PTPRD: variants seen among roughly 807,000 people sequenced by gnomAD.
PTPRD encodes the protein protein tyrosine phosphatase receptor type D, also known as receptor-type tyrosine-protein phosphatase delta.
PTPRD carries 34 observed loss-of-function variants against 214.5 expected under a neutral mutation model. The ratio of observed to expected loss-of-function variants is 0.16; its 90% CI spans 0.12 to 0.21. The LOEUF is 0.21. PTPRD is among the 10% of genes least tolerant of loss of function. The probability of loss-of-function intolerance (pLI) is 1.00; values close to 1 mark genes in which losing one functional copy is unlikely to be tolerated. For missense variants in PTPRD, 2,545 were observed against 2,398.7 expected, an observed-to-expected ratio of 1.06 and a Z score of -1.27; for synonymous variants, 1,128 against 845.7, an observed-to-expected ratio of 1.33 and a Z score of -5.79.
At chr9:9,812,995 T>A (rs2047622607) in intron 5 of PTPRD, among the ~76,000 whole-genome samples, 1 of 148,226 alleles carries the variant, frequency 6.7e-6, no homozygotes, top group South Asian at 2.1e-4. Context: ...TAGAAGTCTA[T>A]AAGAGGAGAA....
chr9:10,096,257 C>T (rs59090285), intron 3 of PTPRD, among the ~76,000 whole-genome samples: 1,614 of 151,780 alleles, frequency 0.011, 31 homozygotes, highest in African/African-American at 0.035. Flanking sequence ...ATCTGCAATT[C>T]TCTTTCATAG....
At chr9:9,930,531 G>C (rs958218323) in intron 5 of PTPRD, among the ~76,000 whole-genome samples, 3 of 152,070 alleles carry the variant, frequency 2.0e-5, no homozygotes, top group Admixed American at 6.6e-5. Flanking sequence ...ACTGGATAAA[G>C]AACTGCAGAA....
At chr9:9,105,772 G>C (rs960992616) in intron 10 of PTPRD, among the ~76,000 whole-genome samples, 6 of 152,194 alleles carry the variant, frequency 3.9e-5, no homozygotes, top group African/African-American at 1.4e-4. Context: ...TTCAATGAAA[G>C]TGAAATTGAT....
chr9:8,885,904 CTTAA>C (rs1313931854), intron 11 of PTPRD, among the ~76,000 whole-genome samples: 4 of 152,172 alleles, frequency 2.6e-5, no homozygotes, highest in South Asian at 2.1e-4. Flanking sequence ...TTTCCACGCG[CTTAA>C]TTGTGTTAAG....
intron 3 of PTPRD, among the ~76,000 whole-genome samples, chr9:10,257,426 C>T (rs1256287245): frequency 6.6e-6 from 1 of 152,082 alleles, no homozygotes; most frequent in African/African-American, 2.4e-5. Flanking sequence ...AATTGCTAGG[C>T]AAAGAGTCAA....
chr9:8,727,999 G>A (rs553655877), intron 12 of PTPRD, among the ~76,000 whole-genome samples: 45 of 152,298 alleles, frequency 3.0e-4, no homozygotes, highest in Admixed American at 1.2e-3. Flanking sequence ...TGTAATCCCA[G>A]CAATTTGGGA....
chr9:8,657,219 G>A (rs2096929242), intron 12 of PTPRD, among the ~76,000 whole-genome samples: 1 of 145,618 alleles, frequency 6.9e-6, no homozygotes, highest in South Asian at 2.2e-4. Flanking sequence ...CCAGGCTGGA[G>A]TGCAATGGTG....
intron 18 of PTPRD, chr9:8,524,661 C>A: frequency 3.7e-6 from 2 of 545,228 alleles, no homozygotes; most frequent in South Asian, 2.0e-5. Context: ...TCAATCAATA[C>A]AGTAAAAATA....
At chr9:8,707,785 A>G (rs982951457) in intron 12 of PTPRD, among the ~76,000 whole-genome samples, 4 of 152,230 alleles carry the variant, frequency 2.6e-5, no homozygotes, top group Non-Finnish European at 5.9e-5. Context: ...ATTTTTCAAT[A>G]ACCTTTTCCT....
intron 11 of PTPRD, among the ~76,000 whole-genome samples, chr9:8,875,379 T>C (rs2098377030): frequency 6.6e-6 from 1 of 151,096 alleles, no homozygotes; most frequent in African/African-American, 2.4e-5. Flanking sequence ...TTTTTTTTAA[T>C]TAGCCAGACA....
At chr9:9,924,287 C>G (rs1392443666) in intron 5 of PTPRD, among the ~76,000 whole-genome samples, 1 of 151,908 alleles carries the variant, frequency 6.6e-6, no homozygotes, top group African/African-American at 2.4e-5. Context: ...AAATTAAAAA[C>G]AATTAAGGTA....
chr9:9,220,944 C>T (rs958491531), intron 9 of PTPRD, among the ~76,000 whole-genome samples: 1 of 152,040 alleles, frequency 6.6e-6, no homozygotes, highest in Non-Finnish European at 1.5e-5. Flanking sequence ...TAGGGGGAGG[C>T]TAACTGATTG....
intron 3 of PTPRD, among the ~76,000 whole-genome samples, chr9:10,273,391 T>C (rs1473523529): frequency 6.6e-6 from 1 of 152,134 alleles, no homozygotes; most frequent in Non-Finnish European, 1.5e-5. Flanking sequence ...ATTGTTTTAA[T>C]ACCATAATAG....
intron 37 of PTPRD, 54 bp downstream of exon 37, chr9:8,389,178 T>C (rs1403394924): frequency 3.4e-6 from 5 of 1,480,098 alleles, no homozygotes; most frequent in East Asian, 2.3e-5. Flanking sequence ...ATATGCAACA[T>C]AGGGACTCTG....
At position 10,537,419 on chromosome 9, in the gene PTPRD, T is replaced by A. The variant is rs544792481; in HGVS notation, c.-600+74979A>T. On this transcript the variant is annotated intron_variant, in intron 2 of 45. Transcript: ENST00000381196. The stretch of plus-strand genomic sequence containing the variant: ...TGCTGTTAATTTGTGTTGTACTTAT[T>A]TTTATAATGTGAGATCGAGTATGTA... Among the ~76,000 whole-genome samples the A allele has an allele frequency of 1.5e-4, 23 of 152,272 alleles. 1 individual carries two copies. In the South Asian group the frequency reaches 4.8e-3, roughly 32 times the overall value.
chr9:9,780,006 G>A (rs992155096), intron 5 of PTPRD, among the ~76,000 whole-genome samples: 1 of 152,144 alleles, frequency 6.6e-6, no homozygotes, highest in Admixed American at 6.5e-5. Flanking sequence ...CATGGAATCA[G>A]CCTAGGTGTC....
intron 9 of PTPRD, among the ~76,000 whole-genome samples, chr9:9,332,798 G>A (rs562963180): frequency 6.7e-4 from 102 of 151,818 alleles, no homozygotes; most frequent in Middle Eastern, 3.4e-3. Flanking sequence ...CAAATTAAAC[G>A]CAAACTGCTG....
At chr9:8,476,581 T>G (rs2096770040) in intron 30 of PTPRD, among the ~76,000 whole-genome samples, 2 of 152,188 alleles carry the variant, frequency 1.3e-5, no homozygotes, top group African/African-American at 4.8e-5. Flanking sequence ...CTAAGTGAAA[T>G]CTTCTCTGAT....
intron 3 of PTPRD, among the ~76,000 whole-genome samples, chr9:10,129,282 T>C (rs575405159): frequency 2.0e-5 from 3 of 152,252 alleles, no homozygotes; most frequent in East Asian, 3.9e-4. Context: ...ACTAATGGCA[T>C]GTACGGATTT....
Sources: allele counts gnomAD v4.1 joint callset (sites outside exome capture counted in the v4.1 genomes callset), GRCh38; gene constraint gnomAD v4.1.1; transcripts MANE v1.5; gene names NCBI Gene and HGNC (gene_info 2026-07-23, HGNC 2026-07-21).